Variants in ADAMTS3 observed in about 807,000 individuals in gnomAD.
ADAMTS3 encodes A disintegrin and metalloproteinase with thrombospondin motifs 3.
ADAMTS3 carries 73 observed loss-of-function variants against 129.0 expected under a neutral mutation model. The ratio of observed to expected loss-of-function variants is 0.57; its 90% CI spans 0.47 to 0.69. The LOEUF is 0.69. Among genes scored for constraint, ADAMTS3 ranks in the 30% least tolerant of loss-of-function variants. The pLI, the probability that ADAMTS3 is intolerant of heterozygous loss-of-function variation, is 0.00. For synonymous variants in ADAMTS3, 477 were observed against 510.8 expected (o/e 0.93, Z 0.89); for missense variants, 1,457 against 1,514.5 (o/e 0.96, Z 0.63).
Position 72,478,967 on chromosome 4 carries a change from T to C in ADAMTS3, c.505-63996A>G, listed in dbSNP as rs572003635. On this transcript the variant is annotated intron_variant, in intron 3 of 21. Coordinates refer to ENST00000286657, the MANE Select transcript of ADAMTS3 (RefSeq NM_014243.3). ...AATTGCTTCAAAGAGAATAAAATACTTAGGAATCCTACTTACAAGGGACGT... is the reference window on the plus strand; with the variant it reads ...AATTGCTTCAAAGAGAATAAAATACCTAGGAATCCTACTTACAAGGGACGT... 5.1e-3 allele frequency among the ~76,000 whole-genome samples: 782 copies of C among 152,142 alleles called. 2 individuals are homozygous for C. The highest frequency in any genetic ancestry group is 0.01 in the Middle Eastern group (3 of 294).
intron 3 of ADAMTS3, among the ~76,000 whole-genome samples, chr4:72,521,067 G>T (rs1720659768): frequency 6.6e-6 from 1 of 150,480 alleles, no homozygotes; most frequent in Non-Finnish European, 1.5e-5. Context: ...GCATGATCTT[G>T]GCTCACTGCA....
chr4:72,387,523 C>T (rs1174852585), intron 4 of ADAMTS3, among the ~76,000 whole-genome samples: 4 of 152,062 alleles, frequency 2.6e-5, no homozygotes, highest in Non-Finnish European at 5.9e-5. Context: ...GTTGAATTTC[C>T]TAATTAAAAG....
intron 4 of ADAMTS3, among the ~76,000 whole-genome samples, chr4:72,374,994 G>A (rs746151681): frequency 6.6e-6 from 1 of 152,134 alleles, no homozygotes. Context: ...CTATCTCACA[G>A]GTTATTACAT....
intron 2 of ADAMTS3, among the ~76,000 whole-genome samples, chr4:72,562,371 T>C (rs1247780949): frequency 6.6e-6 from 1 of 152,138 alleles, no homozygotes; most frequent in African/African-American, 2.4e-5. Context: ...TGTGGGGCTC[T>C]CTCCTAAAGT....
chr4:72,355,636 T>C (rs951996614), intron 4 of ADAMTS3, among the ~76,000 whole-genome samples: 4 of 151,992 alleles, frequency 2.6e-5, no homozygotes, highest in African/African-American at 7.2e-5. Flanking sequence ...GTTTCCCCCA[T>C]CCATCATGTG....
At chr4:72,333,643 G>A (rs1439021531) in intron 5 of ADAMTS3, among the ~76,000 whole-genome samples, 1 of 151,898 alleles carries the variant, frequency 6.6e-6, no homozygotes, top group African/African-American at 2.4e-5. Context: ...CTCCTCCTAT[G>A]ACCTGAAAGA....
intron 4 of ADAMTS3, among the ~76,000 whole-genome samples, chr4:72,368,540 A>C (rs1720927294): frequency 1.3e-5 from 2 of 152,160 alleles, no homozygotes; most frequent in South Asian, 4.1e-4. Flanking sequence ...AATTCTTCTA[A>C]TGTTGGGATG....
Position 72,399,849 on chromosome 4 carries a change from G to GGTGTGTACGCATAT in ADAMTS3, c.661+14965_661+14966insATATGCGTACACAC, listed in dbSNP as rs1721844418. ...TACGTGTGTATATATATACACACAC[G>GGTGTGTACGCATAT]GTGTGTATATACGTGTGTATATATA... On this transcript the variant is annotated intron_variant, in intron 4 of 21. Transcript: ENST00000286657. Among the ~76,000 whole-genome samples, 6 of 84,952 alleles carry GGTGTGTACGCATAT rather than the reference G, an allele frequency of 7.1e-5. 1 individual carries two copies. The highest frequency in any genetic ancestry group is 3.9e-4 in the Admixed American group (3 of 7,728). The allele number at this position is 84,952 out of a possible 152,430, so 55.7% of individuals were successfully genotyped here.
At chr4:72,363,739 TA>T (rs1364950866) in intron 4 of ADAMTS3, among the ~76,000 whole-genome samples, 14 of 149,386 alleles carry the variant, frequency 9.4e-5, no homozygotes, top group African/African-American at 2.5e-4. Context: ...CCAAACGTTA[TA>T]AAAAAAATAC....
chr4:72,535,027 T>A (rs1721152230), intron 3 of ADAMTS3, among the ~76,000 whole-genome samples: 1 of 152,162 alleles, frequency 6.6e-6, no homozygotes, highest in Non-Finnish European at 1.5e-5. Flanking sequence ...GGAAGTGAGG[T>A]GCAGCTGACC....
chr4:72,394,839 T>C (rs1467833393), intron 4 of ADAMTS3, among the ~76,000 whole-genome samples: 3 of 152,182 alleles, frequency 2.0e-5, no homozygotes, highest in Non-Finnish European at 4.4e-5. Flanking sequence ...TGATACTAAA[T>C]GTCCAGTAGT....
Position 72,288,836 on chromosome 4 carries a change from C to T in ADAMTS3, c.2964G>A (p.Val988=). Residue 988 remains valine (V), a synonymous_variant, in exon 21 of 22, where the codon GTG becomes GTA. Transcript: ENST00000286657. ...CSVTCGEGTE[V]RQVLCRAGDH... Reference sequence around the variant, plus strand: ...CCCCAGCCCTGCAGAGGACCTGCCTCACCTCCGTTCCTTCACCGCAGGTCA... The same window carrying T: ...CCCCAGCCCTGCAGAGGACCTGCCTTACCTCCGTTCCTTCACCGCAGGTCA... 6.2e-7 allele frequency: 1 copy of T among 1,613,576 alleles called. No homozygotes were observed. The highest frequency in any genetic ancestry group is 8.5e-7 in the Non-Finnish European group (1 of 1,179,844).
chr4:72,450,394 T>G (rs932609485), intron 3 of ADAMTS3, among the ~76,000 whole-genome samples: 2 of 151,580 alleles, frequency 1.3e-5, no homozygotes, highest in Admixed American at 6.6e-5. Flanking sequence ...AAACAGACAT[T>G]CCAGTGTTTC....
Position 72,327,916 on chromosome 4 carries a change from G to C in ADAMTS3, c.862-4819C>G, listed in dbSNP as rs372881642. Among the ~76,000 whole-genome samples, 3 of 152,074 alleles carry C rather than the reference G, an allele frequency of 2.0e-5. No homozygotes were observed. In the East Asian group the frequency reaches 5.8e-4, roughly 29 times the overall value. ...GGATTTATTGATGATCAGTATAACAGTATTCCAGAAAATATTGAGAAGAAA... is the reference window on the plus strand; with the variant it reads ...GGATTTATTGATGATCAGTATAACACTATTCCAGAAAATATTGAGAAGAAA... On this transcript the variant is annotated intron_variant, in intron 5 of 21. Coordinates refer to ENST00000286657, the MANE Select transcript of ADAMTS3 (RefSeq NM_014243.3).
At chr4:72,300,778 G>A (rs1417356506) in intron 17 of ADAMTS3, among the ~76,000 whole-genome samples, 1 of 152,158 alleles carries the variant, frequency 6.6e-6, no homozygotes, top group South Asian at 2.1e-4. Flanking sequence ...TTGTGAGGAT[G>A]TATAAGCATC....
intron 3 of ADAMTS3, among the ~76,000 whole-genome samples, chr4:72,422,435 T>C (rs1412596203): frequency 6.6e-6 from 1 of 152,136 alleles, no homozygotes; most frequent in African/African-American, 2.4e-5. Context: ...AACACTAATT[T>C]TTTTTAAATA....
At chr4:72,381,628 T>C (rs1262017378) in intron 4 of ADAMTS3, among the ~76,000 whole-genome samples, 1 of 152,190 alleles carries the variant, frequency 6.6e-6, no homozygotes, top group Non-Finnish European at 1.5e-5. Context: ...ATAGCCTGTC[T>C]TGCAGATGCA....
chr4:72,304,066 C>T lies in ADAMTS3; in HGVS notation c.2275G>A (p.Ala759Thr), dbSNP rs779202461. 5 of 1,613,302 alleles carry T rather than the reference C, an allele frequency of 3.1e-6. No homozygotes were observed. Among genetic ancestry groups the T allele is most frequent in the Non-Finnish European group, 3.4e-6 (4 of 1,179,518 alleles). The change falls in exon 17 of 22, where the codon GCT becomes ACT. Residue 759 changes from alanine to threonine, a missense_variant. Ala to Thr is a moderately conservative substitution (Grantham distance 58). Transcript: ENST00000286657. ...CCATTTAAAATATAATGGCCTGTAG[C>T]CTGGTTCTTAATAGCTAAAGGGAGA... The part of the protein sequence containing the change: ...SPHILAIKNQ[A>T]TGHYILNGKG...
chr4:72,496,130 A>T (rs1719868087), intron 3 of ADAMTS3, among the ~76,000 whole-genome samples: 1 of 152,236 alleles, frequency 6.6e-6, no homozygotes, highest in Admixed American at 6.5e-5. Flanking sequence ...ACATGGCATA[A>T]GAATGGTGCT....
Sources: allele counts gnomAD v4.1 joint callset (sites outside exome capture counted in the v4.1 genomes callset), GRCh38; gene constraint gnomAD v4.1.1; transcripts MANE v1.5; gene names NCBI Gene and HGNC (gene_info 2026-07-23, HGNC 2026-07-21).